Variants in CDKN2C observed in about 807,000 individuals in gnomAD.
CDKN2C encodes cyclin-dependent kinase 4 inhibitor C.
In CDKN2C, 5 loss-of-function variants were observed where a neutral mutation model predicts 11.0. The ratio of observed to expected loss-of-function variants is 0.45; its 90% CI spans 0.24 to 0.95. CDKN2C has a LOEUF of 0.95. Among genes scored for constraint, CDKN2C ranks in the 40% least tolerant of loss-of-function variants. The probability of loss-of-function intolerance (pLI) is 0.21; values close to 1 mark genes in which losing one functional copy is unlikely to be tolerated. For missense variants in CDKN2C, 161 were observed against 211.9 expected (o/e 0.76, Z 1.49); for synonymous variants, 79 against 88.3 (o/e 0.89, Z 0.59).
chr1:50,972,349 G>GT (rs949696412), intron 1 of CDKN2C, among the ~76,000 whole-genome samples: 9 of 151,992 alleles, frequency 5.9e-5, no homozygotes, highest in African/African-American at 2.2e-4. Flanking sequence ...AAAATCAACA[G>GT]TTTTATCAAC....
upstream of CDKN2C, among the ~76,000 whole-genome samples, chr1:50,965,535 C>T (rs935723197): frequency 1.3e-5 from 2 of 151,436 alleles, no homozygotes; most frequent in Non-Finnish European, 2.9e-5. Flanking sequence ...TATAGTAAGA[C>T]CCCATCTCCA....
chr1:50,963,726 GA>G (rs1447309900), intron 1 of CDKN2C, among the ~76,000 whole-genome samples: 1 of 151,752 alleles, frequency 6.6e-6, no homozygotes. Flanking sequence ...TGAATTAGGA[GA>G]AAAAAAATCA....
chr1:50,968,463 G>A (rs1184837183), upstream of CDKN2C: 3 of 152,394 alleles, frequency 2.0e-5, no homozygotes, highest in Non-Finnish European at 4.4e-5. Flanking sequence ...GCCAGCAGAA[G>A]GGCAGGCCGG....
chr1:50,961,232 G>A (rs1473992569), intron 1 of CDKN2C, among the ~76,000 whole-genome samples: 2 of 152,110 alleles, frequency 1.3e-5, no homozygotes, highest in Non-Finnish European at 2.9e-5. Flanking sequence ...TAGAGACGGG[G>A]TTTCACTATG....
chr1:50,971,649 A>C (rs1160375022), intron 1 of CDKN2C, among the ~76,000 whole-genome samples: 1 of 152,198 alleles, frequency 6.6e-6, no homozygotes, highest in African/African-American at 2.4e-5. Context: ...GCAAAGTAAC[A>C]AATTTAATAT....
At chr1:50,973,855 G>A in intron 1 of CDKN2C, 38 bp from the exon 2 acceptor site, 1 of 1,609,498 alleles carries the variant, frequency 6.2e-7, no homozygotes, top group Non-Finnish European at 8.5e-7. Context: ...TGTAGCATAT[G>A]CACTTGAAGG....
chr1:50,972,229 G>A (rs1645384814), intron 1 of CDKN2C, among the ~76,000 whole-genome samples: 1 of 151,950 alleles, frequency 6.6e-6, no homozygotes, highest in Non-Finnish European at 1.5e-5. Context: ...TAAATCTTTA[G>A]GGACAGTTGT....
chr1:50,968,504 G>C (rs1327971647), upstream of CDKN2C: 1 of 152,314 alleles, frequency 6.6e-6, no homozygotes, highest in Non-Finnish European at 1.5e-5. Flanking sequence ...GCTCCAGCTG[G>C]GGACAGGCCG....
upstream of CDKN2C, among the ~76,000 whole-genome samples, chr1:50,967,226 A>C (rs1016464656): frequency 6.6e-6 from 1 of 152,222 alleles, no homozygotes; most frequent in East Asian, 1.9e-4. Flanking sequence ...TCCCAGAATA[A>C]TCAAAAGTAA....
At chr1:50,964,177 C>G (rs965392821) in intron 1 of CDKN2C, among the ~76,000 whole-genome samples, 1 of 152,110 alleles carries the variant, frequency 6.6e-6, no homozygotes, top group African/African-American at 2.4e-5. Context: ...TCTGGAGGCT[C>G]TATTTGGATT....
intron 1 of CDKN2C, among the ~76,000 whole-genome samples, chr1:50,962,945 G>A (rs1645332897): frequency 6.6e-6 from 1 of 152,124 alleles, no homozygotes; most frequent in South Asian, 2.1e-4. Context: ...TTTAACAAAG[G>A]CTCTCTGGTT....
In CDKN2C at chr1:50,974,314, A is replaced by G. The variant is rs1309103247; in HGVS notation, c.*44A>G. ...CACGTTGCCTCTACTTTATCAATTA[A>G]CTGAGTAGCTCTCCTGACTTTTAAT... On this transcript the variant is annotated 3_prime_UTR_variant, in exon 2 of 2. Coordinates refer to ENST00000371761, the MANE Select transcript of CDKN2C (RefSeq NM_078626.3). The G allele has an allele frequency of 1.3e-6, 2 of 1,505,464 alleles. No homozygotes were observed. Among genetic ancestry groups the G allele is most frequent in the Non-Finnish European group, 1.8e-6 (2 of 1,124,640 alleles). The allele number at this position is 1,505,464 out of a possible 1,614,324, so 93.3% of individuals were successfully genotyped here. A position where few individuals can be genotyped will look rare whatever the true frequency, so the allele number is the denominator to read the frequency against.
chr1:50,973,786 T>G, intron 1 of CDKN2C, 107 bp from the exon 2 acceptor site: 1 of 1,376,838 alleles, frequency 7.3e-7, no homozygotes, highest in Non-Finnish European at 1.0e-6. Context: ...CCGCAAGAAC[T>G]CCATCAAAAA....
At chr1:50,966,167 C>T (rs1008123106), upstream of CDKN2C, among the ~76,000 whole-genome samples, 7 of 151,498 alleles carry the variant, frequency 4.6e-5, no homozygotes, top group African/African-American at 1.5e-4. Flanking sequence ...GCCTCCTGAG[C>T]AGCTGGGATT....
At chr1:50,960,803 G>A (rs1645314224) in exon 1 of CDKN2C, 1 of 152,020 alleles carries the variant, frequency 6.6e-6, no homozygotes, top group African/African-American at 2.4e-5. Context: ...AGCTGAGAAA[G>A]GTAAAAATCT....
chr1:50,968,638 A>G (rs1044394816), upstream of CDKN2C: 1 of 152,046 alleles, frequency 6.6e-6, no homozygotes, highest in Non-Finnish European at 1.5e-5. Context: ...GAGCGCCAGC[A>G]GGGCGGAGGG....
chr1:50,967,931 A>G (rs927969943), upstream of CDKN2C: 2 of 152,358 alleles, frequency 1.3e-5, no homozygotes, highest in East Asian at 3.9e-4. Context: ...TTTCTCTAAT[A>G]ATAGGACTAT....
chr1:50,972,585 T>C (rs1430601473), intron 1 of CDKN2C, among the ~76,000 whole-genome samples: 14 of 152,092 alleles, frequency 9.2e-5, no homozygotes, highest in Non-Finnish European at 1.0e-4. Flanking sequence ...TACCTAGATA[T>C]AAATAAACCA....
upstream of CDKN2C, chr1:50,969,924 C>A: frequency 4.1e-6 from 1 of 242,304 alleles, no homozygotes; most frequent in Non-Finnish European, 8.2e-6. This position sits in a 1 kb window ranked among gnomAD's most constrained non-coding sequence, Gnocchi z 6.6. Flanking sequence ...TTTCTTCCCC[C>A]TGAATGTCTT....
Sources: gnomAD v4.1 joint callset for allele counts (sites outside exome capture counted in the v4.1 genomes callset) on GRCh38, gnomAD v4.1.1 for gene constraint, Gnocchi (gnomAD v3.1) non-coding constraint, MANE v1.5 for transcripts, NCBI Gene and HGNC (gene_info 2026-07-23, HGNC 2026-07-21) for gene names.